The following RAB3GAP2 variants were observed in gnomAD, a reference collection of about 807,000 sequenced individuals.
RAB3GAP2 encodes the protein rab3 GTPase-activating protein non-catalytic subunit.
RAB3GAP2 carries 87 observed loss-of-function variants against 185.3 expected under a neutral mutation model. The ratio of observed to expected loss-of-function variants is 0.47; its 90% confidence interval spans 0.39 to 0.56. RAB3GAP2 has a LOEUF of 0.56. RAB3GAP2 is among the 20% of genes least tolerant of loss of function. The probability of loss-of-function intolerance (pLI) is 0.00; values close to 1 mark genes in which losing one functional copy is unlikely to be tolerated. For missense variants in RAB3GAP2, 1,492 were observed against 1,638.2 expected, an observed-to-expected ratio of 0.91 and a Z score of 1.54; for synonymous variants, 554 against 576.1, an observed-to-expected ratio of 0.96 and a Z score of 0.55.
At chr1:220,167,269 T>C in intron 26 of RAB3GAP2, 24 bp downstream of exon 26, 2 of 1,579,422 alleles carry the variant, frequency 1.3e-6, no homozygotes, top group Non-Finnish European at 1.7e-6. Context: ...AGAAATAACA[T>C]GAAAGAGGTA....
chr1:220,154,337 G>T, intron 31 of RAB3GAP2: 1 of 353,026 alleles, frequency 2.8e-6, no homozygotes, highest in Admixed American at 4.5e-5. Context: ...GCAGGTAGAG[G>T]TGATACATGT....
At chr1:220,211,905 TGATAGA>T (rs1271048663) in intron 4 of RAB3GAP2, among the ~76,000 whole-genome samples, 1 of 152,244 alleles carries the variant, frequency 6.6e-6, no homozygotes, top group Non-Finnish European at 1.5e-5. Flanking sequence ...TTTATTTTGA[TGATAGA>T]GAATATTTCA....
chr1:220,160,436 A>G (rs1657943734), intron 28 of RAB3GAP2, among the ~76,000 whole-genome samples: 1 of 152,200 alleles, frequency 6.6e-6, no homozygotes, highest in Non-Finnish European at 1.5e-5. Flanking sequence ...CACAAATTTG[A>G]ATATATAATT....
chr1:220,226,970 G>A (rs1659414034), intron 2 of RAB3GAP2, among the ~76,000 whole-genome samples: 1 of 152,100 alleles, frequency 6.6e-6, no homozygotes, highest in African/African-American at 2.4e-5. Flanking sequence ...GCCAAATGAG[G>A]ACACAGCAAG....
At chr1:220,210,357 G>A (rs1266915009) in intron 7 of RAB3GAP2, 31 bp downstream of exon 7, 2 of 1,508,278 alleles carry the variant, frequency 1.3e-6, no homozygotes, top group Admixed American at 1.7e-5. Flanking sequence ...TAATGCCACT[G>A]TTACTGTTGG....
intron 2 of RAB3GAP2, among the ~76,000 whole-genome samples, chr1:220,214,766 T>C (rs888180608): frequency 1.3e-5 from 2 of 151,570 alleles, no homozygotes; most frequent in African/African-American, 4.8e-5. Flanking sequence ...TAAATCCCCA[T>C]GGTTAAAAAT....
chr1:220,164,703 C>T (rs371889249), intron 27 of RAB3GAP2, 30 bp downstream of exon 27: 10 of 1,589,238 alleles, frequency 6.3e-6, no homozygotes, highest in African/African-American at 1.3e-5. Flanking sequence ...TTAGATCAAA[C>T]AGTGATGTTT....
intron 2 of RAB3GAP2, among the ~76,000 whole-genome samples, chr1:220,223,021 G>A (rs1319585645): frequency 1.3e-5 from 2 of 152,136 alleles, no homozygotes; most frequent in Non-Finnish European, 2.9e-5. Context: ...TCTATTGCCT[G>A]AACAACTGTT....
chr1:220,261,068 T>A (rs531523104), intron 1 of RAB3GAP2, among the ~76,000 whole-genome samples: 1 of 152,136 alleles, frequency 6.6e-6, no homozygotes, highest in South Asian at 2.1e-4. Context: ...TTTTACATAC[T>A]TTAAAAAAAA....
chr1:220,236,934 G>A (rs1180497734), intron 1 of RAB3GAP2, among the ~76,000 whole-genome samples: 4 of 152,098 alleles, frequency 2.6e-5, no homozygotes, highest in Admixed American at 1.3e-4. Flanking sequence ...AAGGCCTTGA[G>A]GTTCACAAAC....
intron 21 of RAB3GAP2, among the ~76,000 whole-genome samples, chr1:220,176,126 A>C (rs1174143457): frequency 6.6e-6 from 1 of 152,238 alleles, no homozygotes; most frequent in Non-Finnish European, 1.5e-5. Context: ...AGAAGAGTCT[A>C]GTGTATAAAG....
At chr1:220,217,482 G>T (rs1659220918) in intron 2 of RAB3GAP2, among the ~76,000 whole-genome samples, 1 of 151,838 alleles carries the variant, frequency 6.6e-6, no homozygotes, top group Non-Finnish European at 1.5e-5. Context: ...ATCCTATCCT[G>T]ACTCCTAACC....
At chr1:220,190,988 C>G in intron 14 of RAB3GAP2, 80 bp downstream of exon 14, 2 of 1,332,184 alleles carry the variant, frequency 1.5e-6, no homozygotes, top group Non-Finnish European at 2.2e-6. Context: ...TAATAAGCAG[C>G]TTTAGTAAAG....
intron 1 of RAB3GAP2, among the ~76,000 whole-genome samples, chr1:220,258,670 C>T (rs1246761662): frequency 1.3e-5 from 2 of 152,162 alleles, no homozygotes; most frequent in Non-Finnish European, 2.9e-5. Flanking sequence ...CCCTTGAAAA[C>T]CAGCACAAGA....
intron 29 of RAB3GAP2, 84 bp downstream of exon 29, chr1:220,159,302 A>C: frequency 8.6e-7 from 1 of 1,159,880 alleles, no homozygotes; most frequent in South Asian, 1.3e-5. Flanking sequence ...GATAAAAGGC[A>C]AAGTTCACCT....
At chr1:220,216,356 C>A (rs945964909) in intron 2 of RAB3GAP2, among the ~76,000 whole-genome samples, 3 of 152,104 alleles carry the variant, frequency 2.0e-5, no homozygotes, top group Non-Finnish European at 4.4e-5. Flanking sequence ...AATTATCCCC[C>A]AAAGATAAAA....
At chr1:220,234,020 G>A (rs546122248) in intron 1 of RAB3GAP2, among the ~76,000 whole-genome samples, 1 of 152,310 alleles carries the variant, frequency 6.6e-6, no homozygotes, top group South Asian at 2.1e-4. Flanking sequence ...TACATATAAA[G>A]TATTGAATGC....
Position 220,185,664 on chromosome 1 carries a change from A to G in RAB3GAP2, c.1857T>C (p.Thr619=), listed in dbSNP as rs777697377. 6.2e-7 allele frequency: 1 copy of G among 1,609,632 alleles called. No homozygotes were observed. Among genetic ancestry groups the G allele is most frequent in the Non-Finnish European group, 8.5e-7 (1 of 1,176,200 alleles). Residue 619 remains threonine (T), a synonymous_variant, in exon 18 of 35, where the codon ACT becomes ACC. Coordinates refer to ENST00000358951, the MANE Select transcript of RAB3GAP2 (RefSeq NM_012414.4). The stretch of plus-strand genomic sequence containing the variant: ...AAACCCTATTACCTTGACTTTTTAA[A>G]GTGTCCATTAAAGTCTGAGTGATGT... The part of the protein sequence containing the change: ...LRNITQTLMD[T]LKSQELESVD...
intron 1 of RAB3GAP2, chr1:220,253,957 C>T: frequency 2.5e-6 from 4 of 1,613,532 alleles, no homozygotes; most frequent in Non-Finnish European, 3.4e-6. Context: ...CAGTGAGACC[C>T]CTCAGCCTCC....
Sources: gnomAD v4.1 joint callset for allele counts (sites outside exome capture counted in the v4.1 genomes callset) on GRCh38, gnomAD v4.1.1 for gene constraint, MANE v1.5 for transcripts, NCBI Gene and HGNC (gene_info 2026-07-23, HGNC 2026-07-21) for gene names.